NYAP2: variants seen among roughly 807,000 people sequenced by gnomAD.
The protein encoded by NYAP2 is neuronal tyrosine-phosphorylated phosphoinositide-3-kinase adapter 2.
Under a neutral mutation model 50.4 loss-of-function variants are expected in NYAP2, and 23 were observed. That is an observed-to-expected ratio of 0.46 (90% CI 0.33 to 0.65). The LOEUF (loss-of-function observed/expected upper bound fraction) is 0.65, where lower values mean the gene tolerates loss of function less well. Among genes scored for constraint, NYAP2 ranks in the 30% least tolerant of loss-of-function variants. The pLI is 0.02. For synonymous variants in NYAP2, 394 were observed against 365.2 expected (o/e 1.08, Z -0.90); for missense variants, 885 against 861.0 (o/e 1.03, Z -0.35).
intron 2 of NYAP2, among the ~76,000 whole-genome samples, chr2:225,403,605 A>G (rs763315867): frequency 3.3e-5 from 5 of 151,946 alleles, no homozygotes; most frequent in Non-Finnish European, 7.4e-5. Context: ...TCCACCACTT[A>G]GTATATGTGG....
At chr2:225,402,105 C>A (rs113690810) in intron 2 of NYAP2, among the ~76,000 whole-genome samples, 3 of 152,008 alleles carry the variant, frequency 2.0e-5, no homozygotes, top group African/African-American at 4.8e-5. Context: ...ATGGAAAGTG[C>A]AACATACATG....
intron 6 of NYAP2, among the ~76,000 whole-genome samples, chr2:225,643,145 C>T (rs760384405): frequency 4.8e-4 from 73 of 151,916 alleles, no homozygotes; most frequent in Admixed American, 7.2e-4. Context: ...TGAGTAGAAC[C>T]TTGGAATTTG....
At position 225,504,717 on chromosome 2, in the gene NYAP2, A is replaced by G. The variant is rs139453558; in HGVS notation, c.222-8654A>G. ...AAAGAACATATTTGATATTTAAAATATATCATTTTAGGCCAGGCACGGTGG... is the reference window on the plus strand; with the variant it reads ...AAAGAACATATTTGATATTTAAAATGTATCATTTTAGGCCAGGCACGGTGG... On this transcript the variant is annotated intron_variant, in intron 3 of 6. Coordinates refer to ENST00000636099, the Ensembl canonical transcript of NYAP2. Among the ~76,000 whole-genome samples the G allele has an allele frequency of 9.8e-3, 1,499 of 152,226 alleles. 31 individuals are homozygous for G. Among genetic ancestry groups the G allele is most frequent in the African/African-American group, 0.034 (1,432 of 41,512 alleles).
At chr2:225,655,885 T>TACACACACACACACACACACACACACAC (rs372646871), downstream of NYAP2, among the ~76,000 whole-genome samples, 2 of 121,144 alleles carry the variant, frequency 1.7e-5, no homozygotes, top group Admixed American at 9.2e-5. Flanking sequence ...CAACCTCCAC[T>TACACACACACACACACACACACACACAC]ACACACACAC....
the NYAP2 span, among the ~76,000 whole-genome samples, chr2:225,681,561 A>C: frequency 6.6e-6 from 1 of 152,202 alleles, no homozygotes; most frequent in Non-Finnish European, 1.5e-5. Context: ...TCTTTGGACA[A>C]GTGATGTAAC....
At chr2:225,583,371 A>T (rs182266588) in intron 5 of NYAP2, among the ~76,000 whole-genome samples, 1 of 152,200 alleles carries the variant, frequency 6.6e-6, no homozygotes, top group Non-Finnish European at 1.5e-5. Context: ...AGGTATGTGC[A>T]GATAACGCAC....
At chr2:225,658,863 A>T (rs1303190913), downstream of NYAP2, among the ~76,000 whole-genome samples, 1 of 152,254 alleles carries the variant, frequency 6.6e-6, no homozygotes, top group African/African-American at 2.4e-5. Context: ...ACTTAGCTGA[A>T]GTATGGGCTA....
chr2:225,414,802 C>G (rs1219513468), intron 3 of NYAP2, among the ~76,000 whole-genome samples: 1 of 152,122 alleles, frequency 6.6e-6, no homozygotes, highest in East Asian at 1.9e-4. Context: ...TCCCTTCAAA[C>G]AAAGTTTTCT....
intron 3 of NYAP2, among the ~76,000 whole-genome samples, chr2:225,433,266 C>G (rs1689298420): frequency 6.6e-6 from 1 of 151,068 alleles, no homozygotes; most frequent in Non-Finnish European, 1.5e-5. Context: ...ACAGGAGGAT[C>G]ACTTGAGCCC....
exon 4 of NYAP2, chr2:225,513,510 C>T: frequency 6.2e-7 from 1 of 1,613,854 alleles, no homozygotes; most frequent in South Asian, 1.1e-5. Context: ...ATCACAGTCC[C>T]TGCACTCGGT....
At chr2:225,666,482 T>A in the NYAP2 span, among the ~76,000 whole-genome samples, 1,210 of 152,262 alleles carry the variant, frequency 7.9e-3, 28 homozygotes, top group African/African-American at 0.028. Context: ...ATGAAATACA[T>A]TGAAACAATA....
At chr2:225,463,833 C>G (rs1054929093) in intron 3 of NYAP2, among the ~76,000 whole-genome samples, 27 of 152,158 alleles carry the variant, frequency 1.8e-4, no homozygotes, top group African/African-American at 6.3e-4. Flanking sequence ...TTGTGAGCAG[C>G]ATGCACTTTG....
chr2:225,628,342 A>T lies in NYAP2; in HGVS notation c.1828+1216A>T, dbSNP rs1275736544. On this transcript the variant is annotated intron_variant, in intron 6 of 6. Transcript: ENST00000636099. ...TTTTTTTTTTTTTTTTTTTTTTGAG[A>T]TGGAGTTTCACTCTTGTTGCCCAGG... Among the ~76,000 whole-genome samples the T allele has an allele frequency of 2.4e-4, 29 of 118,886 alleles. 1 individual carries two copies. Among genetic ancestry groups the T allele is most frequent in the South Asian group, 1.5e-3 (5 of 3,262 alleles). The allele number at this position is 118,886 out of a possible 152,430, so 78.0% of individuals were successfully genotyped here. A position where few individuals can be genotyped will look rare whatever the true frequency, so the allele number is the denominator to read the frequency against.
intron 5 of NYAP2, among the ~76,000 whole-genome samples, chr2:225,617,216 C>G (rs1203548688): frequency 1.3e-5 from 2 of 152,084 alleles, no homozygotes; most frequent in Non-Finnish European, 2.9e-5. Context: ...CTCTTGAGGT[C>G]AGGAGTTTGA....
intron 3 of NYAP2, among the ~76,000 whole-genome samples, chr2:225,510,263 G>C (rs1690787479): frequency 6.6e-6 from 1 of 152,094 alleles, no homozygotes; most frequent in Non-Finnish European, 1.5e-5. Context: ...GTGATATTTT[G>C]CTTAGTATTT....
downstream of NYAP2, among the ~76,000 whole-genome samples, chr2:225,654,959 G>A (rs1348075200): frequency 6.6e-6 from 1 of 152,212 alleles, no homozygotes; most frequent in Non-Finnish European, 1.5e-5. Flanking sequence ...TGTAGGTGGA[G>A]TTAGGTGAAA....
At chr2:225,454,785 A>C (rs1689710460) in intron 3 of NYAP2, among the ~76,000 whole-genome samples, 1 of 152,144 alleles carries the variant, frequency 6.6e-6, no homozygotes, top group African/African-American at 2.4e-5. Flanking sequence ...ACCCCTCCCC[A>C]TCTGTGGAAA....
chr2:225,418,429 G>A lies in NYAP2; in HGVS notation c.221+9328G>A, dbSNP rs1695160011. On this transcript the variant is annotated intron_variant, in intron 3 of 6. Transcript: ENST00000636099. ...GGAGACCAGTCAGGAGGCTGTAAAA[G>A]CAATAGAGATGAGGGAAGATGTTGG... Among the ~76,000 whole-genome samples, 4 of 152,264 alleles carry A rather than the reference G, an allele frequency of 2.6e-5. No homozygotes were observed. The South Asian group carries it at 6.2e-4, about 24-fold the overall frequency.
chr2:225,661,167 T>C, the NYAP2 span, among the ~76,000 whole-genome samples: 1 of 152,214 alleles, frequency 6.6e-6, no homozygotes, highest in Non-Finnish European at 1.5e-5. Flanking sequence ...GAAAATAGTA[T>C]TCTTGCTAAC....
Sources: gnomAD v4.1 joint callset for allele counts (sites outside exome capture counted in the v4.1 genomes callset) on GRCh38, gnomAD v4.1.1 for gene constraint, MANE v1.5 for transcripts, NCBI Gene and HGNC (gene_info 2026-07-23, HGNC 2026-07-21) for gene names.